Variants in SLC1A2 observed in about 807,000 individuals in gnomAD.
SLC1A2 encodes the protein excitatory amino acid transporter 2.
A neutral mutation model predicts 48.8 loss-of-function variants in SLC1A2; 15 were observed. The observed-to-expected ratio is 0.31, with a 90% CI of 0.21 to 0.47. The LOEUF is 0.47. Among genes scored for constraint, SLC1A2 ranks in the 20% least tolerant of loss-of-function variants. The pLI, the probability that SLC1A2 is intolerant of heterozygous loss-of-function variation, is 0.99. For missense variants in SLC1A2, 502 were observed against 730.5 expected, an observed-to-expected ratio of 0.69 and a Z score of 3.61; for synonymous variants, 279 against 272.6, an observed-to-expected ratio of 1.02 and a Z score of -0.23.
chr11:35,315,899 A>T (rs1361006201), intron 2 of SLC1A2: 1 of 152,254 alleles, frequency 6.6e-6, no homozygotes, highest in East Asian at 1.9e-4. Flanking sequence ...GCTTGGCCAC[A>T]TGGCATGGCA....
At position 35,312,188 on chromosome 11, in the gene SLC1A2, T is replaced by C; in HGVS notation, c.561+10A>G. ...ACTGGAGAAGAGAGAACATCTGAAC[T>C]CTGGGTTACCTGTTGAAAGCAGGCT... On this transcript the variant is annotated intron_variant, in intron 4 of 10. Transcript: ENST00000278379. The C allele has an allele frequency of 6.2e-7, 1 of 1,613,704 alleles. No homozygotes were observed. The highest frequency in any genetic ancestry group is 8.5e-7 in the Non-Finnish European group (1 of 1,179,656).
At chr11:35,269,016 G>A (rs543342097) in intron 9 of SLC1A2, among the ~76,000 whole-genome samples, 8 of 152,260 alleles carry the variant, frequency 5.3e-5, no homozygotes, top group South Asian at 2.1e-4. Flanking sequence ...TTCATATGAC[G>A]AAACCTAATC....
Position 35,412,751 on chromosome 11 carries a change from C to G in SLC1A2, c.17+6199G>C, listed in dbSNP as rs2756222. On this transcript the variant is annotated intron_variant, in intron 1 of 10. Transcript: ENST00000278379. ...GCAAAAGAAAACATAAATTCCAGGG[C>G]CTGCTATAAGCTCAGCTACATTTGC... Among the ~76,000 whole-genome samples, 1,293 of 152,306 alleles carry G rather than the reference C, an allele frequency of 8.5e-3. 17 individuals are homozygous for G. Among genetic ancestry groups the G allele is most frequent in the African/African-American group, 0.029 (1,210 of 41,560 alleles).
upstream of SLC1A2, chr11:35,420,081 T>C (rs1590302781): frequency 3.2e-6 from 1 of 314,948 alleles, no homozygotes; most frequent in East Asian, 1.1e-4. Flanking sequence ...TTCAGCGAGA[T>C]TAATATTAAT....
At chr11:35,328,209 C>T (rs1293439712) in intron 1 of SLC1A2, among the ~76,000 whole-genome samples, 1 of 152,164 alleles carries the variant, frequency 6.6e-6, no homozygotes, top group Non-Finnish European at 1.5e-5. Flanking sequence ...AGGAACCATC[C>T]TATTCCCACT....
At chr11:35,272,991 C>T (rs755640222) in intron 9 of SLC1A2, among the ~76,000 whole-genome samples, 13 of 152,168 alleles carry the variant, frequency 8.5e-5, no homozygotes. Context: ...AATGTGAAAT[C>T]GTCTGGAACT....
At chr11:35,380,394 G>C (rs1262572615) in intron 1 of SLC1A2, 3 of 398,466 alleles carry the variant, frequency 7.5e-6, no homozygotes, top group Non-Finnish European at 1.3e-5. Context: ...CTCCAAATGT[G>C]GTCCTTGGGC....
Position 35,407,813 on chromosome 11 carries a change from T to A in SLC1A2, c.17+11137A>T, listed in dbSNP as rs374256313. ...TGCACCCCGCACCCCGTGAATCACC[T>A]CCCTCTGCCCATCTTCAGATACTAG... On this transcript the variant is annotated intron_variant, in intron 1 of 10. Transcript: ENST00000278379. Among the ~76,000 whole-genome samples, 64 of 152,272 alleles carry A rather than the reference T, an allele frequency of 4.2e-4. No homozygotes were observed. In the South Asian group the frequency reaches 8.3e-3, roughly 20 times the overall value.
chr11:35,303,815 GA>G (rs1290214143), intron 5 of SLC1A2, among the ~76,000 whole-genome samples: 1 of 152,108 alleles, frequency 6.6e-6, no homozygotes, highest in East Asian at 1.9e-4. Context: ...GTTCCTTAAA[GA>G]AGTGGGAGGC....
At chr11:35,412,623 A>T (rs1462352666) in intron 1 of SLC1A2, among the ~76,000 whole-genome samples, 1 of 152,254 alleles carries the variant, frequency 6.6e-6, no homozygotes, top group Non-Finnish European at 1.5e-5. Flanking sequence ...TGCATCTGCT[A>T]TGAAATAAAT....
intron 1 of SLC1A2, among the ~76,000 whole-genome samples, chr11:35,368,462 T>C (rs980390618): frequency 1.3e-5 from 2 of 152,226 alleles, no homozygotes; most frequent in African/African-American, 2.4e-5. Context: ...TCATGCTCAA[T>C]CAATTATGGC....
chr11:35,269,091 C>G (rs907559967), intron 9 of SLC1A2, among the ~76,000 whole-genome samples: 2 of 152,116 alleles, frequency 1.3e-5, no homozygotes, highest in African/African-American at 2.4e-5. Flanking sequence ...AAGGGTGGAG[C>G]CTTCATGAAT....
chr11:35,333,175 G>A (rs1590196719), intron 1 of SLC1A2, among the ~76,000 whole-genome samples: 1 of 152,162 alleles, frequency 6.6e-6, no homozygotes, highest in East Asian at 1.9e-4. Context: ...CAATTTGGGA[G>A]GCCAAGGTGG....
intron 1 of SLC1A2, among the ~76,000 whole-genome samples, chr11:35,375,531 C>T (rs1854196766): frequency 6.6e-6 from 1 of 152,228 alleles, no homozygotes; most frequent in Admixed American, 6.5e-5. Flanking sequence ...GTGAGCTGAG[C>T]ACAGCAGGAG....
chr11:35,412,859 C>T (rs904395323), intron 1 of SLC1A2, among the ~76,000 whole-genome samples: 1 of 152,230 alleles, frequency 6.6e-6, no homozygotes, highest in Non-Finnish European at 1.5e-5. Flanking sequence ...TCTTTCAAAG[C>T]ACTGCCTCTA....
At chr11:35,364,757 T>A (rs1485142666) in intron 1 of SLC1A2, among the ~76,000 whole-genome samples, 1 of 152,220 alleles carries the variant, frequency 6.6e-6, no homozygotes, top group Non-Finnish European at 1.5e-5. Flanking sequence ...CTGCACTCAA[T>A]ACAAGTTAGC....
chr11:35,356,832 A>G (rs1437633266), intron 1 of SLC1A2, among the ~76,000 whole-genome samples: 1 of 152,332 alleles, frequency 6.6e-6, no homozygotes, highest in African/African-American at 2.4e-5. Flanking sequence ...AAAATGTAAA[A>G]CTAATTTTCT....
chr11:35,378,770 G>C (rs1208705875), intron 1 of SLC1A2, among the ~76,000 whole-genome samples: 1 of 152,182 alleles, frequency 6.6e-6, no homozygotes, highest in African/African-American at 2.4e-5. Flanking sequence ...CTTCAGTTAA[G>C]CTCTATGAAT....
chr11:35,323,090 A>C, intron 1 of SLC1A2: 1 of 338,894 alleles, frequency 3.0e-6, no homozygotes, highest in Non-Finnish European at 5.4e-6. Flanking sequence ...TCTTCTATTC[A>C]TTGTGTCTTC....
Sources: gnomAD v4.1 joint callset for allele counts (sites outside exome capture counted in the v4.1 genomes callset) on GRCh38, gnomAD v4.1.1 for gene constraint, MANE v1.5 for transcripts, NCBI Gene and HGNC (gene_info 2026-07-23, HGNC 2026-07-21) for gene names.